Variants in TRPM3 observed in about 807,000 individuals in gnomAD.
TRPM3 encodes the protein long transient receptor potential channel 3.
In TRPM3, 77 loss-of-function variants were observed where a neutral mutation model predicts 181.2. The observed-to-expected ratio is 0.42, with a 90% CI of 0.35 to 0.51. The LOEUF (loss-of-function observed/expected upper bound fraction) is 0.51. TRPM3 is among the 20% of genes least tolerant of loss of function. The pLI is 0.01. For synonymous variants in TRPM3, 745 were observed against 796.4 expected (o/e 0.94, Z 1.09); for missense variants, 1,759 against 2,196.7 (o/e 0.80, Z 3.98).
intron 22 of TRPM3, among the ~76,000 whole-genome samples, chr9:70,581,103 A>G (rs971484647): frequency 6.6e-6 from 1 of 152,270 alleles, no homozygotes; most frequent in Non-Finnish European, 1.5e-5. Context: ...TGAGATATAT[A>G]CACAGAAGAG....
Position 70,552,912 on chromosome 9 carries a change from A to T in TRPM3, c.3506T>A (p.Ile1169Lys). 6.2e-7 allele frequency: 1 copy of T among 1,614,206 alleles called. No homozygotes were observed. Among genetic ancestry groups the T allele is most frequent in the Non-Finnish European group, 8.5e-7 (1 of 1,180,038 alleles). The stretch of plus-strand genomic sequence containing the variant: ...CCATCGGCAGCACAGGTGCTGGAAT[A>T]TCATGGTCATGTGGCTGAAGATGAT... ...PLIIFSHMTM[I>K]FQHLCCRWRK... The change falls in exon 24 of 26, where the codon ATA becomes AAA. Residue 1169 changes from isoleucine to lysine, a missense_variant. Around this residue, in one of 8 missense-constraint regions of TRPM3, gnomAD observed 96 missense variants for 129.6 expected, o/e 0.74. Coordinates refer to ENST00000677713, the MANE Select transcript of TRPM3 (RefSeq NM_001366145.2).
At chr9:71,173,522 C>G in intron 1 of TRPM3, among the ~76,000 whole-genome samples, 1 of 152,192 alleles carries the variant, frequency 6.6e-6, no homozygotes, top group Non-Finnish European at 1.5e-5. Context: ...CGCTTTGCCA[C>G]TATGTTTTGT....
intron 1 of TRPM3, among the ~76,000 whole-genome samples, chr9:71,315,072 A>T (rs1033835117): frequency 1.3e-5 from 2 of 152,116 alleles, no homozygotes; most frequent in Non-Finnish European, 2.9e-5. Flanking sequence ...CAATGTGTAG[A>T]AAGTATGAAA....
chr9:71,244,616 C>T (rs544364858), intron 1 of TRPM3, among the ~76,000 whole-genome samples: 53 of 152,294 alleles, frequency 3.5e-4, no homozygotes, highest in African/African-American at 1.3e-3. Context: ...GTACACTGTA[C>T]TTTACTTTTT....
intron 1 of TRPM3, among the ~76,000 whole-genome samples, chr9:71,420,699 A>G (rs1405412126): frequency 5.8e-5 from 6 of 103,658 alleles, no homozygotes; most frequent in Non-Finnish European, 9.7e-5. Flanking sequence ...GGGAAAGAGA[A>G]AGAGAGAGAA....
chr9:71,127,750 A>G (rs1445133453), intron 1 of TRPM3, among the ~76,000 whole-genome samples: 3 of 152,226 alleles, frequency 2.0e-5, no homozygotes, highest in Non-Finnish European at 4.4e-5. Flanking sequence ...AGCATAGTCC[A>G]TAAGCGCACA....
chr9:70,831,956 C>A (rs1199323202), intron 5 of TRPM3, among the ~76,000 whole-genome samples: 4 of 54,752 alleles, frequency 7.3e-5, no homozygotes, highest in African/African-American at 1.0e-4. Context: ...TTTTATGTAC[C>A]CCATAAATAT....
In TRPM3 at chr9:71,348,743, G is replaced by A. The variant is rs143921425; in HGVS notation, c.183+97910C>T. 5.7e-3 allele frequency among the ~76,000 whole-genome samples: 860 copies of A among 150,410 alleles called. 14 individuals are homozygous for A. The highest frequency in any genetic ancestry group is 0.02 in the African/African-American group (825 of 41,050). ...CCAAGCCAGGCTAATTTTTTTTTTCGTATTTTTACTGGAAGTGGGGTTTCA... is the reference window on the plus strand; with the variant it reads ...CCAAGCCAGGCTAATTTTTTTTTTCATATTTTTACTGGAAGTGGGGTTTCA... On this transcript the variant is annotated intron_variant, in intron 1 of 24. Coordinates refer to the TRPM3 transcript ENST00000357533.
chr9:70,964,097 G>A (rs984280367), intron 1 of TRPM3, among the ~76,000 whole-genome samples: 2 of 152,018 alleles, frequency 1.3e-5, no homozygotes, highest in Non-Finnish European at 2.9e-5. Context: ...ATTTCATCTA[G>A]AACTGCTATT....
chr9:70,868,824 T>G (rs1476518092), intron 1 of TRPM3, among the ~76,000 whole-genome samples: 1 of 152,060 alleles, frequency 6.6e-6, no homozygotes, highest in Admixed American at 6.6e-5. Context: ...TACCCTGTCT[T>G]CATCAGAACA....
intron 1 of TRPM3, among the ~76,000 whole-genome samples, chr9:71,004,801 A>G (rs146132239): frequency 2.8e-3 from 434 of 152,306 alleles, no homozygotes; most frequent in African/African-American, 9.7e-3. Flanking sequence ...TAATAAAAAG[A>G]AATTCTAGAA....
At chr9:70,590,421 T>C (rs1564459041) in intron 22 of TRPM3, among the ~76,000 whole-genome samples, 2 of 152,244 alleles carry the variant, frequency 1.3e-5, no homozygotes, top group Non-Finnish European at 2.9e-5. Flanking sequence ...TTGGCATTTA[T>C]AGCAAGCAAC....
intron 1 of TRPM3, among the ~76,000 whole-genome samples, chr9:71,198,255 T>C (rs2078527398): frequency 6.6e-6 from 1 of 152,178 alleles, no homozygotes; most frequent in African/African-American, 2.4e-5. Flanking sequence ...ACCAGTACCA[T>C]GCTGTTTTGG....
intron 1 of TRPM3, among the ~76,000 whole-genome samples, chr9:71,133,074 C>A (rs921663533): frequency 6.6e-6 from 1 of 151,920 alleles, no homozygotes; most frequent in African/African-American, 2.4e-5. Context: ...TAGTTATTTC[C>A]AAATTGCTAT....
intron 1 of TRPM3, among the ~76,000 whole-genome samples, chr9:71,442,503 A>T (rs1049490474): frequency 7.2e-5 from 11 of 152,202 alleles, no homozygotes; most frequent in African/African-American, 2.7e-4. Flanking sequence ...AAGAATATAA[A>T]TCCATTTATT....
At chr9:71,237,262 T>A (rs913771329) in intron 1 of TRPM3, among the ~76,000 whole-genome samples, 7 of 152,214 alleles carry the variant, frequency 4.6e-5, no homozygotes, top group African/African-American at 1.7e-4. Context: ...ATGATAATCT[T>A]AAATCAAACA....
chr9:71,137,337 GAACT>G (rs1468412982), intron 1 of TRPM3, among the ~76,000 whole-genome samples: 4 of 152,124 alleles, frequency 2.6e-5, no homozygotes, highest in Admixed American at 2.6e-4. Context: ...TTTGTAGAAA[GAACT>G]AACATCAAAT....
intron 1 of TRPM3, among the ~76,000 whole-genome samples, chr9:71,200,519 T>G (rs2078711588): frequency 2.0e-5 from 3 of 151,948 alleles, no homozygotes. Flanking sequence ...AGTCTCTTCG[T>G]AGGTCACTCA....
Position 70,663,453 on chromosome 9 carries a change from G to A in TRPM3, c.1345+18053C>T, listed in dbSNP as rs528207050. Among the ~76,000 whole-genome samples, 8 of 152,248 alleles carry A rather than the reference G, an allele frequency of 5.3e-5. No individual in the cohort carries two copies. The East Asian group carries it at 9.6e-4, about 18-fold the overall frequency. The stretch of plus-strand genomic sequence containing the variant: ...ATTATGAATGAGCAAGTGAATGAAT[G>A]TCTCACCATACCCTCACTATAGTGG... On this transcript the variant is annotated intron_variant, in intron 9 of 25. Coordinates refer to ENST00000677713, the MANE Select transcript of TRPM3 (RefSeq NM_001366145.2).
Sources: allele counts gnomAD v4.1 joint callset (sites outside exome capture counted in the v4.1 genomes callset), GRCh38; gene constraint gnomAD v4.1.1; regional missense constraint gnomAD v4.1.1; transcripts MANE v1.5; gene names NCBI Gene and HGNC (gene_info 2026-07-23, HGNC 2026-07-21).